EPB41L3: variants seen among roughly 807,000 people sequenced by gnomAD.
EPB41L3 encodes band 4.1-like protein 3.
In EPB41L3, 57 loss-of-function variants were observed where a neutral mutation model predicts 127.1. That is an observed-to-expected ratio of 0.45 (90% CI 0.36 to 0.56). The LOEUF is 0.56. Among genes scored for constraint, EPB41L3 ranks in the 20% least tolerant of loss-of-function variants. EPB41L3 has a pLI of 0.00. For synonymous variants in EPB41L3, 572 were observed against 549.5 expected (o/e 1.04, Z -0.57); for missense variants, 1,273 against 1,372.2 (o/e 0.93, Z 1.14).
At chr18:5,625,551 A>T (rs1426100785) in intron 1 of EPB41L3, among the ~76,000 whole-genome samples, 4 of 152,214 alleles carry the variant, frequency 2.6e-5, no homozygotes. Flanking sequence ...ATGACTGGGG[A>T]ATAACTGGGT....
At chr18:5,444,703 AGCAATGGTGAACT>A (rs1156945075) in intron 4 of EPB41L3, among the ~76,000 whole-genome samples, 3 of 152,232 alleles carry the variant, frequency 2.0e-5, no homozygotes, top group African/African-American at 2.4e-5. Context: ...ATAGGACAGC[AGCAATGGTGAACT>A]GCCCTGACAG....
At chr18:5,586,704 T>A (rs541430853) in intron 3 of EPB41L3, among the ~76,000 whole-genome samples, 1 of 151,996 alleles carries the variant, frequency 6.6e-6, no homozygotes, top group Non-Finnish European at 1.5e-5. Context: ...GCCAAACTTA[T>A]ATTGTGATTT....
At chr18:5,458,407 A>G (rs753893882) in intron 3 of EPB41L3, among the ~76,000 whole-genome samples, 1 of 152,204 alleles carries the variant, frequency 6.6e-6, no homozygotes, top group Non-Finnish European at 1.5e-5. Flanking sequence ...CAATATAGAA[A>G]AATACATGAT....
chr18:5,478,500 C>A, intron 2 of EPB41L3, 62 bp from the exon 3 acceptor site: 9 of 1,471,904 alleles, frequency 6.1e-6, no homozygotes, highest in South Asian at 3.5e-5. Context: ...TTGCATTGCT[C>A]ATGCAATAGC....
chr18:5,422,108 T>C (rs1350638008), intron 11 of EPB41L3, among the ~76,000 whole-genome samples: 1 of 152,184 alleles, frequency 6.6e-6, no homozygotes, highest in African/African-American at 2.4e-5. Flanking sequence ...ATTCCTATTA[T>C]ACAGATGACT....
In EPB41L3 at chr18:5,424,185, T is replaced by C; in HGVS notation, c.1163+77A>G. On this transcript the variant is annotated intron_variant, in intron 10 of 22. Transcript: ENST00000341928. ...GGGATAGAAAGAATAAAATTCCATA[T>C]TTTTTATTGACAATCTTTTTCAGTA... is the stretch of plus-strand genomic sequence containing the variant. The C allele has an allele frequency of 3.9e-6, 4 of 1,018,964 alleles. No homozygotes were observed. In the South Asian group the frequency reaches 9.3e-5, roughly 24 times the overall value. 63.1% of individuals were successfully genotyped at this position (1,018,964 alleles called of 1,614,324 possible). A position where few individuals can be genotyped will look rare whatever the true frequency, so the allele number is the denominator to read the frequency against.
chr18:5,425,131 A>G (rs2077989847), intron 9 of EPB41L3, among the ~76,000 whole-genome samples: 1 of 152,216 alleles, frequency 6.6e-6, no homozygotes, highest in African/African-American at 2.4e-5. Flanking sequence ...CATCTTAAAC[A>G]GTAAAGGCTT....
intron 1 of EPB41L3, among the ~76,000 whole-genome samples, chr18:5,533,346 A>G (rs1400057735): frequency 1.3e-5 from 2 of 152,220 alleles, no homozygotes; most frequent in East Asian, 1.9e-4. Context: ...TGTGATATAC[A>G]GTGACTTTTG....
chr18:5,398,838 G>A, intron 16 of EPB41L3: 1 of 399,330 alleles, frequency 2.5e-6, no homozygotes, highest in East Asian at 3.6e-5. Context: ...AGGGAGGACG[G>A]CCACATCCTT....
At chr18:5,570,671 T>C (rs531368927) in intron 3 of EPB41L3, 9 of 152,210 alleles carry the variant, frequency 5.9e-5, no homozygotes, top group Non-Finnish European at 1.3e-4. Context: ...GTTACATATG[T>C]AGACATGTGC....
At chr18:5,451,446 T>G (rs2082267997) in intron 3 of EPB41L3, among the ~76,000 whole-genome samples, 1 of 152,208 alleles carries the variant, frequency 6.6e-6, no homozygotes, top group African/African-American at 2.4e-5. Context: ...GCATTTCCTG[T>G]CTTCCCAGAC....
chr18:5,538,395 A>G (rs1339267656), intron 1 of EPB41L3, among the ~76,000 whole-genome samples: 3 of 152,248 alleles, frequency 2.0e-5, no homozygotes, highest in African/African-American at 7.2e-5. Context: ...CAATGAATTA[A>G]GTTGCCAGCT....
intron 1 of EPB41L3, among the ~76,000 whole-genome samples, chr18:5,532,500 G>A (rs2093443295): frequency 6.6e-6 from 1 of 152,228 alleles, no homozygotes; most frequent in Admixed American, 6.5e-5. Flanking sequence ...GTACTTTGAT[G>A]AGTCTTTTAA....
In EPB41L3 at chr18:5,622,622, A is replaced by G. The variant is rs1479866227; in HGVS notation, c.-468+6300T>C. On this transcript the variant is annotated intron_variant, in intron 1 of 21. Coordinates refer to the EPB41L3 transcript ENST00000545076. ...TTCATTTTGTGCATATTATTCACAA[A>G]GCAACCTAAAAAAGGCACCCAACGT... is the stretch of plus-strand genomic sequence containing the variant. Among the ~76,000 whole-genome samples the G allele has an allele frequency of 9.2e-5, 14 of 152,330 alleles. No homozygotes were observed. The South Asian group carries it at 2.7e-3, about 29-fold the overall frequency.
At chr18:5,532,751 G>C (rs1015158429) in intron 1 of EPB41L3, among the ~76,000 whole-genome samples, 1 of 152,042 alleles carries the variant, frequency 6.6e-6, no homozygotes, top group Non-Finnish European at 1.5e-5. Context: ...TTCATCTTGG[G>C]GGTCAATAAA....
intron 3 of EPB41L3, among the ~76,000 whole-genome samples, chr18:5,571,492 G>T (rs1419287168): frequency 1.3e-5 from 2 of 152,142 alleles, no homozygotes; most frequent in Non-Finnish European, 2.9e-5. Context: ...TTCTCCAGTG[G>T]GGATAGCACA....
At chr18:5,412,482 C>T (rs2076316897) in intron 13 of EPB41L3, among the ~76,000 whole-genome samples, 1 of 152,030 alleles carries the variant, frequency 6.6e-6, no homozygotes, top group South Asian at 2.1e-4. Flanking sequence ...TGCCTCGGCC[C>T]CCTAAAGTAT....
intron 2 of EPB41L3, among the ~76,000 whole-genome samples, chr18:5,482,504 G>A (rs771429513): frequency 4.6e-5 from 7 of 152,030 alleles, no homozygotes; most frequent in Non-Finnish European, 8.8e-5. Context: ...TCAAGTACAG[G>A]GAAGTCTGAG....
At position 5,507,774 on chromosome 18, in the gene EPB41L3, A is replaced by AT. The variant is rs1359208280; in HGVS notation, c.-11-18581dup. Among the ~76,000 whole-genome samples, 11 of 152,300 alleles carry AT rather than the reference A, an allele frequency of 7.2e-5. No homozygotes were observed. In the East Asian group the frequency reaches 1.9e-3, roughly 27 times the overall value. On this transcript the variant is annotated intron_variant, in intron 1 of 22. Coordinates refer to ENST00000341928, the MANE Select transcript of EPB41L3 (RefSeq NM_012307.5). The stretch of plus-strand genomic sequence containing the variant: ...AACAGCTTGTTAAAATCAAATGATG[A>AT]TTTGGACCAAGTTCCTTAAAACTTA...
Sources: allele counts gnomAD v4.1 joint callset (sites outside exome capture counted in the v4.1 genomes callset), GRCh38; gene constraint gnomAD v4.1.1; transcripts MANE v1.5; gene names NCBI Gene and HGNC (gene_info 2026-07-23, HGNC 2026-07-21).